CTCFL: variants seen among roughly 807,000 people sequenced by gnomAD.
CTCFL encodes the protein CCCTC-binding factor like.
A neutral mutation model predicts 67.4 loss-of-function variants in CTCFL; 36 were observed. That is an observed-to-expected ratio of 0.53 (90% confidence interval 0.41 to 0.71). The LOEUF (loss-of-function observed/expected upper bound fraction) is 0.71. Among genes scored for constraint, CTCFL ranks in the 30% least tolerant of loss-of-function variants. The pLI, the probability that CTCFL is intolerant of heterozygous loss-of-function variation, is 0.00. For missense variants in CTCFL, 786 were observed against 835.2 expected (o/e 0.94, Z 0.73); for synonymous variants, 324 against 302.3 (o/e 1.07, Z -0.75).
chr20:57,518,888 G>A lies in CTCFL; in HGVS notation c.929C>T (p.Thr310Ile). The change falls in exon 5 of 11, where the codon ACC (threonine) becomes ATC (isoleucine). Residue 310 changes from threonine (T) to isoleucine (I), a missense_variant. Thr to Ile is a moderately conservative substitution (Grantham distance 89, BLOSUM62 -1). This residue lies in a region of CTCFL where 254 missense variants were observed against 333.9 expected (regional missense o/e 0.76). Transcript: ENST00000243914. ...LRNHVNTHTG[T>I]RPYKCNDCNM... ...GCAGTCGTTACACTTGTAGGGCCTG[G>A]TTCCTGTAAAATCACATAGTTCATA... The A allele has an allele frequency of 6.2e-7, 1 of 1,610,854 alleles. No homozygotes were observed. Among genetic ancestry groups the A allele is most frequent in the Non-Finnish European group, 8.5e-7 (1 of 1,177,748 alleles).
chr20:57,496,328 A>G (rs984216239), downstream of CTCFL: 1 of 684,834 alleles, frequency 1.5e-6, no homozygotes, highest in East Asian at 2.7e-5. Context: ...GAAGCCAGGC[A>G]GATACCAACA....
intron 6 of CTCFL, 66 bp from the exon 7 acceptor site, chr20:57,514,807 G>GA: frequency 2.8e-6 from 4 of 1,446,404 alleles, no homozygotes; most frequent in Non-Finnish European, 2.8e-6. Context: ...CACCTGTGCT[G>GA]AAAGTGTTTT....
At chr20:57,522,278 G>A (rs1035785639) in intron 3 of CTCFL, among the ~76,000 whole-genome samples, 1 of 152,164 alleles carries the variant, frequency 6.6e-6, no homozygotes, top group Non-Finnish European at 1.5e-5. Flanking sequence ...CAGGAGGAAG[G>A]AAAACTGTGC....
At chr20:57,514,951 T>C (rs1407118583) in intron 6 of CTCFL, 2 of 568,874 alleles carry the variant, frequency 3.5e-6, no homozygotes, top group East Asian at 2.9e-5. Context: ...GAGACATGAC[T>C]TCCCCGCATC....
chr20:57,509,425 G>A (rs942607697), intron 8 of CTCFL, among the ~76,000 whole-genome samples: 2 of 151,506 alleles, frequency 1.3e-5, no homozygotes, highest in Non-Finnish European at 2.9e-5. Flanking sequence ...CACTATGCTC[G>A]GCTCAGTTTG....
At chr20:57,509,948 G>A (rs2068446000) in intron 8 of CTCFL, among the ~76,000 whole-genome samples, 1 of 152,174 alleles carries the variant, frequency 6.6e-6, no homozygotes, top group Non-Finnish European at 1.5e-5. Context: ...CATACCTGCT[G>A]TATGCCTGCT....
chr20:57,513,145 C>T (rs960348900), intron 7 of CTCFL: 6 of 624,502 alleles, frequency 9.6e-6, no homozygotes, highest in African/African-American at 6.0e-5. Context: ...GTTCATTGAA[C>T]AAAGCACTTT....
chr20:57,511,057 CTT>C (rs1016780847), intron 8 of CTCFL, among the ~76,000 whole-genome samples: 49 of 152,134 alleles, frequency 3.2e-4, no homozygotes, highest in African/African-American at 1.2e-3. Context: ...GTAGTAATTT[CTT>C]TTTTTAGGGT....
At chr20:57,495,977 T>C (rs1229972150), downstream of CTCFL, 6 of 316,360 alleles carry the variant, frequency 1.9e-5, no homozygotes, top group South Asian at 4.7e-4. Context: ...TTTTCAAACA[T>C]ATTTATGTTA....
intron 8 of CTCFL, among the ~76,000 whole-genome samples, chr20:57,510,177 C>G (rs1172337345): frequency 6.6e-6 from 1 of 152,234 alleles, no homozygotes; most frequent in Admixed American, 6.5e-5. Context: ...GCATGCAATA[C>G]TTTGAAGCAG....
chr20:57,506,958 A>ACTG, intron 9 of CTCFL: 2 of 984,528 alleles, frequency 2.0e-6, no homozygotes, highest in Non-Finnish European at 2.4e-6. Context: ...CAACTACACT[A>ACTG]CTGTTTTAAG....
In CTCFL at chr20:57,506,175, T is replaced by C. The variant is rs185884270; in HGVS notation, c.1674+2431A>G. Among the ~76,000 whole-genome samples, 20 of 152,356 alleles carry C rather than the reference T, an allele frequency of 1.3e-4. No individual in the cohort carries two copies. The East Asian group carries it at 2.1e-3, about 16-fold the overall frequency. ...CACACTGCATCCACAGCTGCTTCCA[T>C]GACACAAGGGCAGACTCAAGAAGTC... On this transcript the variant is annotated intron_variant, in intron 9 of 10. Coordinates refer to ENST00000243914, the MANE Select transcript of CTCFL (RefSeq NM_001386993.1).
chr20:57,515,736 T>C lies in CTCFL; in HGVS notation c.1158A>G (p.Lys386=), dbSNP rs1383315737. Residue 386 remains lysine (K), a synonymous_variant, in exon 6 of 11, where the codon AAA becomes AAG. Coordinates refer to ENST00000243914, the MANE Select transcript of CTCFL (RefSeq NM_001386993.1). ...TACCTGAGTGCGTTCTCATGTGGCGTTTCAGCTTGTAGGTATCTCTGCTGG... is the reference window on the plus strand; with the variant it reads ...TACCTGAGTGCGTTCTCATGTGGCGCTTCAGCTTGTAGGTATCTCTGCTGG... ...SYASRDTYKL[K]RHMRTHSGEK... is the part of the protein sequence containing the mutation. 6.2e-7 allele frequency: 1 copy of C among 1,614,016 alleles called. No individual in the cohort carries two copies. Among genetic ancestry groups the C allele is most frequent in the East Asian group, 2.2e-5 (1 of 44,894 alleles).
At chr20:57,512,522 T>C (rs1023693617) in intron 8 of CTCFL, 70 bp downstream of exon 8, 44 of 1,465,114 alleles carry the variant, frequency 3.0e-5, no homozygotes, top group East Asian at 2.7e-4. Flanking sequence ...TTCAAGGTGG[T>C]AGAGAATCCC....
chr20:57,524,531 G>A (rs2069702456), intron 1 of CTCFL: 6 of 1,123,632 alleles, frequency 5.3e-6, no homozygotes, highest in Non-Finnish European at 6.6e-6. Context: ...CTGGCCCAGT[G>A]CATATCCTGG....
intron 10 of CTCFL, 82 bp downstream of exon 10, chr20:57,503,354 G>A: frequency 4.6e-6 from 7 of 1,524,158 alleles, no homozygotes; most frequent in Non-Finnish European, 6.3e-6. Flanking sequence ...CACATCCCCT[G>A]GACAGTAACA....
At chr20:57,513,815 C>T in intron 7 of CTCFL, 1 of 1,286,280 alleles carries the variant, frequency 7.8e-7, no homozygotes, top group Non-Finnish European at 1.0e-6. Context: ...TTGTGTATCA[C>T]AGTGTCATAT....
chr20:57,519,583 G>A (rs1186258596), intron 3 of CTCFL, among the ~76,000 whole-genome samples: 1 of 152,174 alleles, frequency 6.6e-6, no homozygotes, highest in African/African-American at 2.4e-5. Context: ...AAGATGGGCC[G>A]ATGTCTGTTT....
At chr20:57,505,192 A>AG (rs1226242699) in intron 9 of CTCFL, among the ~76,000 whole-genome samples, 2 of 151,986 alleles carry the variant, frequency 1.3e-5, no homozygotes, top group East Asian at 3.9e-4. Flanking sequence ...TCTAGCCAAA[A>AG]GCTAGCTTGC....
Sources: gnomAD v4.1 joint callset for allele counts (sites outside exome capture counted in the v4.1 genomes callset) on GRCh38, gnomAD v4.1.1 for gene constraint, gnomAD v4.1.1 regional missense constraint, MANE v1.5 for transcripts, NCBI Gene and HGNC (gene_info 2026-07-23, HGNC 2026-07-21) for gene names.